The following ACTL7A variants were observed in gnomAD, a reference collection of about 807,000 sequenced individuals.
The protein encoded by ACTL7A is actin-like protein 7A.
Under a neutral mutation model 30.3 loss-of-function variants are expected in ACTL7A, and 27 were observed. The ratio of observed to expected loss-of-function variants is 0.89; its 90% confidence interval spans 0.66 to 1.23. The LOEUF is 1.23. Among genes scored for constraint, ACTL7A ranks in the 50% most tolerant of loss-of-function variants. The pLI, the probability that ACTL7A is intolerant of heterozygous loss-of-function variation, is 0.00. For missense variants in ACTL7A, 566 were observed against 571.8 expected (o/e 0.99, Z 0.10); for synonymous variants, 259 against 241.4 (o/e 1.07, Z -0.67).
In ACTL7A at chr9:108,862,780, T is replaced by G; in HGVS notation, c.458T>G (p.Leu153Arg). The part of the protein sequence containing the change: ...WDTVQDIWEY[L>R]FRQEMKIAPE... ...ACAGTGCAGGATATCTGGGAATATC[T>G]CTTCCGACAAGAGATGAAGATCGCC... The change falls in exon 1 of 1, where the codon CTC becomes CGC. Residue 153 changes from leucine to arginine, a missense_variant. Leu to Arg is a moderately radical substitution (Grantham distance 102). Coordinates refer to ENST00000333999, the MANE Select transcript of ACTL7A (RefSeq NM_006687.4). 6.2e-7 allele frequency: 1 copy of G among 1,614,208 alleles called. No homozygotes were observed. The highest frequency in any genetic ancestry group is 8.5e-7 in the Non-Finnish European group (1 of 1,180,038).
In ACTL7A at chr9:108,862,528, C is replaced by T. The variant is rs1415462225; in HGVS notation, c.206C>T (p.Thr69Ile). ...AAKERPKQEV[T>I]KAVVVDLGTG... ...AAGGAGAGGCCCAAGCAGGAGGTGA[C>T]CAAAGCAGTGGTCGTGGACCTGGGC... The change falls in exon 1 of 1, where the codon ACC becomes ATC. Residue 69 changes from threonine (T) to isoleucine (I), a missense_variant. By Grantham distance (89) the Thr-to-Ile change is moderately conservative. Coordinates refer to ENST00000333999, the MANE Select transcript of ACTL7A (RefSeq NM_006687.4). The T allele has an allele frequency of 3.1e-6, 5 of 1,614,074 alleles. No homozygotes were observed. The highest frequency in any genetic ancestry group is 4.2e-6 in the Non-Finnish European group (5 of 1,180,020).
In ACTL7A at chr9:108,863,142, G is replaced by T. The variant is rs917330253; in HGVS notation, c.820G>T (p.Asp274Tyr). 6.2e-7 allele frequency: 1 copy of T among 1,614,150 alleles called. No individual in the cohort carries two copies. Among genetic ancestry groups the T allele is most frequent in the Non-Finnish European group, 8.5e-7 (1 of 1,180,032 alleles). The change falls in exon 1 of 1, where the codon GAC becomes TAC. Residue 274 changes from aspartate (D) to tyrosine (Y), a missense_variant. Coordinates refer to ENST00000333999, the MANE Select transcript of ACTL7A (RefSeq NM_006687.4). ...FTQDQMGIVEDIKKKCCFVAL... is the reference protein window; with the variant it reads ...FTQDQMGIVEYIKKKCCFVAL... ...CCAGGACCAGATGGGCATCGTGGAGGACATCAAGAAGAAATGCTGCTTTGT... is the reference window on the plus strand; with the variant it reads ...CCAGGACCAGATGGGCATCGTGGAGTACATCAAGAAGAAATGCTGCTTTGT...
At position 108,862,770 on chromosome 9, in the gene ACTL7A, T is replaced by C. The variant is rs767243911; in HGVS notation, c.448T>C (p.Trp150Arg). 8 of 1,614,030 alleles carry C rather than the reference T, an allele frequency of 5.0e-6. No individual in the cohort carries two copies. The highest frequency in any genetic ancestry group is 1.3e-5 in the African/African-American group (1 of 74,904). Reference sequence around the variant, plus strand: ...GGACTGGGATACAGTGCAGGATATCTGGGAATATCTCTTCCGACAAGAGAT... The same window carrying C: ...GGACTGGGATACAGTGCAGGATATCCGGGAATATCTCTTCCGACAAGAGAT... The part of the protein sequence containing the change: ...IVDWDTVQDI[W>R]EYLFRQEMKI... The change falls in exon 1 of 1, where the codon TGG (tryptophan) becomes CGG (arginine). Residue 150 changes from tryptophan to arginine, a missense_variant. By Grantham distance (101) the Trp-to-Arg change is moderately radical. Coordinates refer to ENST00000333999, the MANE Select transcript of ACTL7A (RefSeq NM_006687.4).
Position 108,863,204 on chromosome 9 carries a change from C to T in ACTL7A, c.882C>T (p.Leu294=), listed in dbSNP as rs766319298. ...LDPIEEKKVP[L]SEHTIRYVLP... is the part of the protein sequence containing the mutation. Reference sequence around the variant, plus strand: ...CCATTGAGGAGAAGAAAGTCCCTCTCAGTGAGCATACGATCCGCTACGTGC... The same window carrying T: ...CCATTGAGGAGAAGAAAGTCCCTCTTAGTGAGCATACGATCCGCTACGTGC... The change falls in exon 1 of 1, where the codon CTC becomes CTT. Residue 294 remains leucine (L), a synonymous_variant. Coordinates refer to ENST00000333999, the MANE Select transcript of ACTL7A (RefSeq NM_006687.4). 1 of 1,614,124 alleles carries T rather than the reference C, an allele frequency of 6.2e-7. No individual in the cohort carries two copies. The highest frequency in any genetic ancestry group is 8.5e-7 in the Non-Finnish European group (1 of 1,180,046).
chr9:108,863,641 G>T lies in ACTL7A; in HGVS notation c.*11G>T. The stretch of plus-strand genomic sequence containing the variant: ...AGAAGGTGCTTCTGAACAGCGACGA[G>T]GATGGACACTGCACTGGCAGTGCCT... On this transcript the variant is annotated 3_prime_UTR_variant, in exon 1 of 1. Transcript: ENST00000333999. The T allele has an allele frequency of 6.3e-7, 1 of 1,589,974 alleles. No homozygotes were observed. Among genetic ancestry groups the T allele is most frequent in the Non-Finnish European group, 8.6e-7 (1 of 1,166,716 alleles).
Position 108,862,417 on chromosome 9 carries a change from C to G in ACTL7A, c.95C>G (p.Ser32Cys). 1.2e-6 allele frequency: 2 copies of G among 1,614,102 alleles called. No homozygotes were observed. The highest frequency in any genetic ancestry group is 1.7e-6 in the Non-Finnish European group (2 of 1,180,020). The change falls in exon 1 of 1, where the codon TCT (serine) becomes TGT (cysteine). Residue 32 changes from serine to cysteine, a missense_variant. Coordinates refer to ENST00000333999, the MANE Select transcript of ACTL7A (RefSeq NM_006687.4). ...PLQTQALQTA[S>C]LRDGPAKRAV... is the part of the protein sequence containing the mutation. ...CAGACACAGGCCCTCCAGACTGCCT[C>G]TTTAAGGGATGGCCCGGCGAAGCGG...
In ACTL7A at chr9:108,862,772, G is replaced by C; in HGVS notation, c.450G>C (p.Trp150Cys). ...IVDWDTVQDI[W>C]EYLFRQEMKI... ...ACTGGGATACAGTGCAGGATATCTG[G>C]GAATATCTCTTCCGACAAGAGATGA... Residue 150 changes from tryptophan (W) to cysteine (C), a missense_variant, in exon 1 of 1, where the codon TGG (tryptophan) becomes TGC (cysteine). Transcript: ENST00000333999. 1 of 1,614,194 alleles carries C rather than the reference G, an allele frequency of 6.2e-7. No individual in the cohort carries two copies. Among genetic ancestry groups the C allele is most frequent in the South Asian group, 1.1e-5 (1 of 91,072 alleles).
Position 108,862,446 on chromosome 9 carries a change from G to A in ACTL7A, c.124G>A (p.Val42Met), listed in dbSNP as rs201993006. ...AAGGGATGGCCCGGCGAAGCGGGCC[G>A]TGTGGGTCCGCCATACGAGTTCAGA... ...SLRDGPAKRA[V>M]WVRHTSSEPQ... The change falls in exon 1 of 1, where the codon GTG (valine) becomes ATG (methionine). Residue 42 changes from valine to methionine, a missense_variant. Transcript: ENST00000333999. The A allele has an allele frequency of 1.4e-4, 225 of 1,614,008 alleles. 1 individual carries two copies. The highest frequency in any genetic ancestry group is 1.6e-4 in the Middle Eastern group (1 of 6,084).
At position 108,863,479 on chromosome 9, in the gene ACTL7A, C is replaced by G; in HGVS notation, c.1157C>G (p.Thr386Ser). 6.2e-7 allele frequency: 1 copy of G among 1,614,194 alleles called. No individual in the cohort carries two copies. The highest frequency in any genetic ancestry group is 8.5e-7 in the Non-Finnish European group (1 of 1,180,030). ...KELSSMCPND[T>S]PQVNVLPERD... The stretch of plus-strand genomic sequence containing the variant: ...CTAAGCAGCATGTGTCCCAATGACA[C>G]CCCGCAGGTAAACGTGCTGCCTGAA... Residue 386 changes from threonine to serine, a missense_variant, in exon 1 of 1, where the codon ACC becomes AGC. Thr to Ser is a moderately conservative substitution (Grantham distance 58, BLOSUM62 1). Coordinates refer to ENST00000333999, the MANE Select transcript of ACTL7A (RefSeq NM_006687.4).
chr9:108,862,991 G>A lies in ACTL7A; in HGVS notation c.669G>A (p.Val223=). 2 of 1,611,210 alleles carry A rather than the reference G, an allele frequency of 1.2e-6. No individual in the cohort carries two copies. Among genetic ancestry groups the A allele is most frequent in the East Asian group, 4.5e-5 (2 of 44,810 alleles). Residue 223 remains valine, a synonymous_variant, in exon 1 of 1, where the codon GTG becomes GTA. Transcript: ENST00000333999. ...TGGTGGTGGAGGTGGGCCATGGCGT[G>A]TCCTACGTGGTCCCCATCTACGAGG... The part of the protein sequence containing the change: ...SGLVVEVGHG[V]SYVVPIYEGY...
Position 108,862,580 on chromosome 9 carries a change from C to G in ACTL7A, c.258C>G (p.Ala86=). 1 of 1,614,124 alleles carries G rather than the reference C, an allele frequency of 6.2e-7. No individual in the cohort carries two copies. The highest frequency in any genetic ancestry group is 8.5e-7 in the Non-Finnish European group (1 of 1,180,034). Reference sequence around the variant, plus strand: ...CTGGCTACTGTAAATGTGGCTTTGCCGGCCTGCCAAGACCCACCCACAAGA... The same window carrying G: ...CTGGCTACTGTAAATGTGGCTTTGCGGGCCTGCCAAGACCCACCCACAAGA... ...LGTGYCKCGF[A]GLPRPTHKIS... Residue 86 remains alanine, a synonymous_variant, in exon 1 of 1, where the codon GCC becomes GCG. Transcript: ENST00000333999.
chr9:108,863,730 A>G lies in ACTL7A; in HGVS notation c.*100A>G, dbSNP rs1251434833. 17 of 1,128,280 alleles carry G rather than the reference A, an allele frequency of 1.5e-5. No homozygotes were observed. The highest frequency in any genetic ancestry group is 3.7e-6 in the Non-Finnish European group (3 of 803,168). The allele number at this position is 1,128,280 out of a possible 1,614,324, so 69.9% of individuals were successfully genotyped here. A position where few individuals can be genotyped will look rare whatever the true frequency, so the allele number is the denominator to read the frequency against. On this transcript the variant is annotated 3_prime_UTR_variant, in exon 1 of 1. Coordinates refer to ENST00000333999, the MANE Select transcript of ACTL7A (RefSeq NM_006687.4). ...TGGAGCCGGCGCTTATTCCTGTAGC[A>G]TTAAACACCCCTCATATGCCCCTCC...
At position 108,862,837 on chromosome 9, in the gene ACTL7A, C is replaced by T. The variant is rs376522931; in HGVS notation, c.515C>T (p.Pro172Leu). The T allele has an allele frequency of 3.7e-5, 60 of 1,613,848 alleles. No individual in the cohort carries two copies. Among genetic ancestry groups the T allele is most frequent in the Non-Finnish European group, 4.7e-5 (55 of 1,179,948 alleles). ...GAGCATGCGGTCTTGGTTTCAGACC[C>T]GCCACTGAGCCCACACACCAACAGA... is the stretch of plus-strand genomic sequence containing the variant. ...PEEHAVLVSD[P>L]PLSPHTNREK... The change falls in exon 1 of 1, where the codon CCG becomes CTG. Residue 172 changes from proline (P) to leucine (L), a missense_variant. Coordinates refer to ENST00000333999, the MANE Select transcript of ACTL7A (RefSeq NM_006687.4).
chr9:108,862,301 G>C lies in ACTL7A; in HGVS notation c.-22G>C. On this transcript the variant is annotated 5_prime_UTR_variant, in exon 1 of 1. Coordinates refer to ENST00000333999, the MANE Select transcript of ACTL7A (RefSeq NM_006687.4). ...TCCAGTGGGATTGAGAACTTTCTAA[G>C]AGTGGTGCGGCTCTTGACAACATGT... The C allele has an allele frequency of 1.3e-6, 2 of 1,580,400 alleles. No homozygotes were observed. The highest frequency in any genetic ancestry group is 8.6e-7 in the Non-Finnish European group (1 of 1,165,812).
At position 108,863,278 on chromosome 9, in the gene ACTL7A, C is replaced by T. The variant is rs141606404; in HGVS notation, c.956C>T (p.Ser319Leu). The change falls in exon 1 of 1, where the codon TCG becomes TTG. Residue 319 changes from serine (S) to leucine (L), a missense_variant. By Grantham distance (145) the Ser-to-Leu change is moderately radical. Coordinates refer to ENST00000333999, the MANE Select transcript of ACTL7A (RefSeq NM_006687.4). Reference sequence around the variant, plus strand: ...CTGTGCCAGGAACGGTTCCTCTGCTCGGAGATGTTCTTCAAGCCATCTCTC... The same window carrying T: ...CTGTGCCAGGAACGGTTCCTCTGCTTGGAGATGTTCTTCAAGCCATCTCTC... ...IQLCQERFLC[S>L]EMFFKPSLIK... 1.1e-5 allele frequency: 17 copies of T among 1,614,120 alleles called. No individual in the cohort carries two copies. The highest frequency in any genetic ancestry group is 6.7e-5 in the East Asian group (3 of 44,860).
rs766661773 is a variant in ACTL7A at position 108,863,265 on chromosome 9, C to T, written c.943C>T (p.Arg315Trp). Residue 315 changes from arginine to tryptophan, a missense_variant, in exon 1 of 1, where the codon CGG becomes TGG. Coordinates refer to ENST00000333999, the MANE Select transcript of ACTL7A (RefSeq NM_006687.4). ...DGKEIQLCQE[R>W]FLCSEMFFKP... is the part of the protein sequence containing the mutation. Reference sequence around the variant, plus strand: ...GAAGGAGATTCAGCTGTGCCAGGAACGGTTCCTCTGCTCGGAGATGTTCTT... The same window carrying T: ...GAAGGAGATTCAGCTGTGCCAGGAATGGTTCCTCTGCTCGGAGATGTTCTT... 10 of 1,613,992 alleles carry T rather than the reference C, an allele frequency of 6.2e-6. No individual in the cohort carries two copies. Among genetic ancestry groups the T allele is most frequent in the South Asian group, 2.2e-5 (2 of 91,088 alleles).
Position 108,862,471 on chromosome 9 carries a change from AG to A in ACTL7A, c.150del (p.Glu50AspfsTer19). The A allele has an allele frequency of 6.2e-7, 1 of 1,614,016 alleles. No homozygotes were observed. The highest frequency in any genetic ancestry group is 1.3e-5 in the African/African-American group (1 of 74,988). On this transcript the variant is annotated frameshift_variant, in exon 1 of 1. Transcript: ENST00000333999. LOFTEE classifies it high-confidence loss of function. ...GTGTGGGTCCGCCATACGAGTTCAG[AG>A]CCACAAGAACCTACTGAATCAAAGG... Reference protein sequence around the residue: ...RAVWVRHTSSEPQEPTESKAA... With the variant: ...RAVWVRHTSSXPQEPTESKAA...
rs750181578 is a variant in ACTL7A, at chr9:108,862,844, G to A, written c.522G>A (p.Leu174=). 3.1e-6 allele frequency: 5 copies of A among 1,613,898 alleles called. No individual in the cohort carries two copies. In the East Asian group the frequency reaches 8.9e-5, roughly 29 times the overall value. The change falls in exon 1 of 1, where the codon CTG becomes CTA. Residue 174 remains leucine (L), a synonymous_variant. Transcript: ENST00000333999. The part of the protein sequence containing the change: ...EHAVLVSDPP[L]SPHTNREKYA... Reference sequence around the variant, plus strand: ...CGGTCTTGGTTTCAGACCCGCCACTGAGCCCACACACCAACAGAGAGAAAT... The same window carrying A: ...CGGTCTTGGTTTCAGACCCGCCACTAAGCCCACACACCAACAGAGAGAAAT...
Position 108,862,746 on chromosome 9 carries a change from G to A in ACTL7A, c.424G>A (p.Asp142Asn). 1.9e-6 allele frequency: 3 copies of A among 1,614,216 alleles called. No individual in the cohort carries two copies. Among genetic ancestry groups the A allele is most frequent in the Non-Finnish European group, 2.5e-6 (3 of 1,180,056 alleles). The change falls in exon 1 of 1, where the codon GAC becomes AAC. Residue 142 changes from aspartate to asparagine, a missense_variant. Transcript: ENST00000333999. ...VNPLRHGIIVDWDTVQDIWEY... is the reference protein window; with the variant it reads ...VNPLRHGIIVNWDTVQDIWEY... ...CCCTCTGCGACATGGCATCATCGTG[G>A]ACTGGGATACAGTGCAGGATATCTG...
Sources: allele counts gnomAD v4.1 joint callset, GRCh38; gene constraint gnomAD v4.1.1; transcripts MANE v1.5; gene names NCBI Gene and HGNC (gene_info 2026-07-23, HGNC 2026-07-21).